The following ANO6 variants were observed in gnomAD, a reference collection of about 807,000 sequenced individuals.
ANO6 encodes the protein anoctamin-6.
ANO6 carries 106 observed loss-of-function variants against 117.5 expected under a neutral mutation model. The ratio of observed to expected loss-of-function variants is 0.90; its 90% CI spans 0.77 to 1.06. The LOEUF (loss-of-function observed/expected upper bound fraction) is 1.06. ANO6 is among the 50% of genes least tolerant of loss of function. The pLI is 0.00. For synonymous variants in ANO6, 367 were observed against 385.1 expected, an observed-to-expected ratio of 0.95 and a Z score of 0.55; for missense variants, 955 against 1,121.1, an observed-to-expected ratio of 0.85 and a Z score of 2.12.
chr12:45,245,644 C>T (rs576649546), intron 1 of ANO6, among the ~76,000 whole-genome samples: 2 of 152,026 alleles, frequency 1.3e-5, no homozygotes, highest in Non-Finnish European at 2.9e-5. Context: ...TCACTACTTA[C>T]TGGTTGTACA....
intron 6 of ANO6, 103 bp from the exon 7 acceptor site, chr12:45,350,556 C>T: frequency 1.1e-6 from 1 of 894,882 alleles, no homozygotes; most frequent in Non-Finnish European, 1.8e-6. Context: ...AGGTGAGGAC[C>T]CCTTGTTCAC....
downstream of ANO6, among the ~76,000 whole-genome samples, chr12:45,434,108 T>C (rs1369146665): frequency 6.6e-6 from 1 of 152,188 alleles, no homozygotes; most frequent in Non-Finnish European, 1.5e-5. Flanking sequence ...CCTTCATTTC[T>C]CATAATTTCA....
chr12:45,414,119 G>A (rs112927396), intron 16 of ANO6, among the ~76,000 whole-genome samples: 7 of 152,048 alleles, frequency 4.6e-5, no homozygotes, highest in Admixed American at 2.6e-4. Flanking sequence ...AGCAGGATGC[G>A]GGGCTTCAGG....
chr12:45,329,139 TGA>T (rs1295588579), intron 2 of ANO6, among the ~76,000 whole-genome samples: 2 of 152,184 alleles, frequency 1.3e-5, no homozygotes, highest in Non-Finnish European at 2.9e-5. Flanking sequence ...GATCCTAATC[TGA>T]CTGCTTTTAT....
intron 1 of ANO6, among the ~76,000 whole-genome samples, chr12:45,280,879 T>TATAGAG (rs149737040): frequency 1.1e-3 from 170 of 149,948 alleles, no homozygotes; most frequent in South Asian, 0.011. Context: ...TATATATATA[T>TATAGAG]AGAGAGAGAG....
At chr12:45,323,257 C>T (rs1052987353) in intron 2 of ANO6, among the ~76,000 whole-genome samples, 76 of 152,142 alleles carry the variant, frequency 5.0e-4, no homozygotes, top group African/African-American at 1.6e-3. Flanking sequence ...CTCTGATGTC[C>T]AAAACCAAAG....
rs1429837777 is a variant in ANO6, at chr12:45,371,919, C to T, written c.1104+4126C>T. 1.2e-3 allele frequency among the ~76,000 whole-genome samples: 184 copies of T among 151,628 alleles called. 2 individuals carry two copies. The highest frequency in any genetic ancestry group is 4.5e-3 in the East Asian group (23 of 5,124). On this transcript the variant is annotated intron_variant, in intron 9 of 19. Transcript: ENST00000320560. ...CAGACGATCAAATTACTCTGAGCTA[C>T]GGGAGGACATTCAAACCAAAGGCAA...
At chr12:45,263,747 A>T (rs143839812) in intron 1 of ANO6, among the ~76,000 whole-genome samples, 1 of 152,240 alleles carries the variant, frequency 6.6e-6, no homozygotes, top group African/African-American at 2.4e-5. Context: ...GCTGAGGCTG[A>T]GGTTATGTGG....
chr12:45,389,613 C>T (rs1430337500), intron 11 of ANO6, among the ~76,000 whole-genome samples: 5 of 152,204 alleles, frequency 3.3e-5, no homozygotes, highest in Admixed American at 1.3e-4. Flanking sequence ...TCATTGCCCA[C>T]ATACCCTCCC....
chr12:45,431,428 A>G lies in ANO6; in HGVS notation c.*2117A>G, dbSNP rs1943629925. On this transcript the variant is annotated 3_prime_UTR_variant, in exon 20 of 20. Coordinates refer to ENST00000320560, the MANE Select transcript of ANO6 (RefSeq NM_001025356.3). ...ATAGAAAAGGAAATGTTTTTACCTTATCTCCTGTATGTATGATAGAACTTA... is the reference window on the plus strand; with the variant it reads ...ATAGAAAAGGAAATGTTTTTACCTTGTCTCCTGTATGTATGATAGAACTTA... 1 of 985,418 alleles carries G rather than the reference A, an allele frequency of 1.0e-6. No homozygotes were observed. Among genetic ancestry groups the G allele is most frequent in the East Asian group, 1.1e-4 (1 of 8,820 alleles). 61.0% of individuals were successfully genotyped at this position (985,418 alleles called of 1,614,324 possible). A position where few individuals can be genotyped will look rare whatever the true frequency, so the allele number is the denominator to read the frequency against.
chr12:45,423,141 T>G, intron 19 of ANO6, 79 bp downstream of exon 19: 1 of 1,014,624 alleles, frequency 9.9e-7, no homozygotes, highest in South Asian at 1.3e-5. Context: ...AACTCCATAC[T>G]TAACATGTGT....
At chr12:45,282,834 C>G (rs920693856) in intron 1 of ANO6, among the ~76,000 whole-genome samples, 1 of 152,152 alleles carries the variant, frequency 6.6e-6, no homozygotes, top group Non-Finnish European at 1.5e-5. Flanking sequence ...AGAATCATCT[C>G]CATAATTGCA....
At chr12:45,224,146 G>T (rs1947446133) in intron 1 of ANO6, among the ~76,000 whole-genome samples, 1 of 152,076 alleles carries the variant, frequency 6.6e-6, no homozygotes, top group African/African-American at 2.4e-5. Context: ...TCTGTACCAG[G>T]TTCAGTGGTG....
chr12:45,261,741 T>C (rs1055125249), intron 1 of ANO6, among the ~76,000 whole-genome samples: 3 of 152,248 alleles, frequency 2.0e-5, no homozygotes, highest in African/African-American at 7.2e-5. Flanking sequence ...TGAGAACAAC[T>C]GTGCATTTGA....
intron 1 of ANO6, among the ~76,000 whole-genome samples, chr12:45,301,492 C>A (rs1939486894): frequency 6.6e-6 from 1 of 151,714 alleles, no homozygotes; most frequent in Admixed American, 6.6e-5. Flanking sequence ...TAATATACAC[C>A]TGTGGTCTCA....
intron 12 of ANO6, among the ~76,000 whole-genome samples, chr12:45,398,567 A>AT (rs966887782): frequency 2.6e-5 from 4 of 152,138 alleles, no homozygotes; most frequent in Admixed American, 6.5e-5. Context: ...TAAAAGTAAG[A>AT]TTTTTTCACA....
intron 19 of ANO6, among the ~76,000 whole-genome samples, chr12:45,427,094 C>T (rs1592055507): frequency 6.6e-6 from 1 of 152,118 alleles, no homozygotes; most frequent in East Asian, 1.9e-4. Context: ...CAACACTGCT[C>T]AGGCCAGAAT....
intron 16 of ANO6, among the ~76,000 whole-genome samples, chr12:45,411,932 TATACTC>T (rs141784245): frequency 0.013 from 2,016 of 152,294 alleles, 40 homozygotes; most frequent in African/African-American, 0.044. Flanking sequence ...CCTGGAACCT[TATACTC>T]ATAAACATTT....
intron 10 of ANO6, chr12:45,383,127 G>A (rs997387712): frequency 1.4e-5 from 3 of 216,106 alleles, no homozygotes; most frequent in Non-Finnish European, 2.8e-5. Flanking sequence ...ATCCTTTGTT[G>A]TCGTTTCAGT....
Sources: gnomAD v4.1 joint callset for allele counts (sites outside exome capture counted in the v4.1 genomes callset) on GRCh38, gnomAD v4.1.1 for gene constraint, MANE v1.5 for transcripts, NCBI Gene and HGNC (gene_info 2026-07-23, HGNC 2026-07-21) for gene names.